Variants in STOX2 observed in about 807,000 individuals in gnomAD.
STOX2 encodes storkhead-box protein 2.
Under a neutral mutation model 60.9 loss-of-function variants are expected in STOX2, and 28 were observed. The ratio of observed to expected loss-of-function variants is 0.46; its 90% CI spans 0.34 to 0.63. The LOEUF (loss-of-function observed/expected upper bound fraction) is 0.63, where lower values mean the gene tolerates loss of function less well. Ranked by LOEUF, STOX2 falls within the 30% of genes least tolerant of loss-of-function variation. STOX2 has a pLI of 0.01. For missense variants in STOX2, 1,024 were observed against 1,187.7 expected, an observed-to-expected ratio of 0.86 and a Z score of 2.03; for synonymous variants, 472 against 463.9, an observed-to-expected ratio of 1.02 and a Z score of -0.22.
intron 1 of STOX2, among the ~76,000 whole-genome samples, chr4:183,829,797 T>G (rs905026698): frequency 6.6e-6 from 1 of 152,178 alleles, no homozygotes; most frequent in Non-Finnish European, 1.5e-5. Context: ...ACTTTATAAT[T>G]AGATTTTCTG....
In STOX2 at chr4:184,001,329, T is replaced by G. The variant is rs549003607; in HGVS notation, c.171T>G (p.Asp57Glu). 11 of 1,613,728 alleles carry G rather than the reference T, an allele frequency of 6.8e-6. No individual in the cohort carries two copies. Among genetic ancestry groups the G allele is most frequent in the Admixed American group, 1.7e-5 (1 of 59,996 alleles). ...QASRGYMTSGDVSPISMSPIS... is the reference protein window; with the variant it reads ...QASRGYMTSGEVSPISMSPIS... ...TTGAAAATTGTCTTTCTGCAGGTGA[T>G]GTATCACCCATCAGTATGTCTCCCA... is the stretch of plus-strand genomic sequence containing the variant. The change falls in exon 2 of 4, where the codon GAT (aspartate) becomes GAG (glutamate). Residue 57 changes from aspartate (D) to glutamate (E), a missense_variant. By Grantham distance (45) the Asp-to-Glu change is conservative. This residue lies in a region of STOX2 where 98 missense variants were observed against 110.2 expected (regional missense o/e 0.89). Coordinates refer to ENST00000308497, the MANE Select transcript of STOX2 (RefSeq NM_020225.3). This position sits in a 1 kb window ranked among gnomAD's most constrained non-coding sequence, Gnocchi z 4.2.
At chr4:183,928,130 CTTT>C (rs564741491) in intron 1 of STOX2, among the ~76,000 whole-genome samples, 1 of 152,136 alleles carries the variant, frequency 6.6e-6, no homozygotes, top group African/African-American at 2.4e-5. Flanking sequence ...TTTGTGGCAG[CTTT>C]TTTTCCCAAC....
chr4:183,950,946 T>A (rs913776671), intron 1 of STOX2, among the ~76,000 whole-genome samples: 1 of 152,084 alleles, frequency 6.6e-6, no homozygotes, highest in Non-Finnish European at 1.5e-5. Flanking sequence ...CCGGGCGCGG[T>A]GGCTCACGCC....
At chr4:183,882,723 G>A (rs143819607) in intron 1 of STOX2, among the ~76,000 whole-genome samples, 25 of 152,318 alleles carry the variant, frequency 1.6e-4, no homozygotes, top group African/African-American at 5.8e-4. Context: ...AGCTGGAAGA[G>A]ACCTTAGAAT....
At chr4:183,867,422 C>T (rs1319661060) in intron 1 of STOX2, among the ~76,000 whole-genome samples, 1 of 152,160 alleles carries the variant, frequency 6.6e-6, no homozygotes, top group Non-Finnish European at 1.5e-5. Context: ...GATCGGGACA[C>T]AGCAGATACG....
intron 1 of STOX2, among the ~76,000 whole-genome samples, chr4:183,799,733 AT>A (rs564510935): frequency 6.6e-6 from 1 of 151,766 alleles, no homozygotes; most frequent in Non-Finnish European, 1.5e-5. Context: ...ATGCTCATGT[AT>A]TTTTTTTATT....
chr4:183,973,866 T>C (rs1732324053), intron 1 of STOX2, among the ~76,000 whole-genome samples: 1 of 152,148 alleles, frequency 6.6e-6, no homozygotes, highest in Non-Finnish European at 1.5e-5. Context: ...TGGTGGCGCA[T>C]GCCTGTAGTC....
chr4:183,852,272 A>G (rs62652543), intron 1 of STOX2, among the ~76,000 whole-genome samples: 5,423 of 23,310 alleles, frequency 0.23, no homozygotes, highest in Admixed American at 0.28. Context: ...AAAGGATGAG[A>G]GAAACGATGA....
chr4:183,804,054 G>A (rs1455334971), intron 1 of STOX2, among the ~76,000 whole-genome samples: 2 of 152,278 alleles, frequency 1.3e-5, no homozygotes, highest in African/African-American at 4.8e-5. Flanking sequence ...AATAGAGAGC[G>A]CTGGGGAGAA....
chr4:184,017,137 CCGT>C lies in STOX2; in HGVS notation c.2639_2641del (p.Arg880del), dbSNP rs1484544218. On this transcript the variant is annotated inframe_deletion, in exon 4 of 4. Coordinates refer to ENST00000308497, the MANE Select transcript of STOX2 (RefSeq NM_020225.3). ...ACACATCAAGCATTGTTGAAAGTAA[CCGT>C]CGTCAGAACCCCGCTTTGAGCCCGG... The C allele has an allele frequency of 2.5e-6, 4 of 1,613,728 alleles. No individual in the cohort carries two copies. In the East Asian group the frequency reaches 8.9e-5, roughly 36 times the overall value.
At position 184,020,471 on chromosome 4, in the gene STOX2, T is replaced by A. The variant is rs1257569585; in HGVS notation, c.*3187T>A. ...TCTTTTGGAAATCTGATTTGAAGTC[T>A]AAGTTTTCAGTAACAGAAGACACAC... On this transcript the variant is annotated 3_prime_UTR_variant, in exon 4 of 4. Coordinates refer to ENST00000308497, the MANE Select transcript of STOX2 (RefSeq NM_020225.3). The A allele has an allele frequency of 6.6e-6, 1 of 152,068 alleles. No homozygotes were observed. The highest frequency in any genetic ancestry group is 1.5e-5 in the Non-Finnish European group (1 of 68,030). The allele number at this position is 152,068 out of a possible 1,614,324, so 9.4% of individuals were successfully genotyped here.
At chr4:183,972,800 G>A (rs1743782360) in intron 1 of STOX2, among the ~76,000 whole-genome samples, 1 of 152,174 alleles carries the variant, frequency 6.6e-6, no homozygotes, top group Admixed American at 6.5e-5. Context: ...GAAAGAACAA[G>A]TAACAGTTGC....
At chr4:183,845,809 T>A (rs905195255) in intron 1 of STOX2, among the ~76,000 whole-genome samples, 2 of 152,246 alleles carry the variant, frequency 1.3e-5, no homozygotes, top group Non-Finnish European at 2.9e-5. Context: ...TATGTGGTTA[T>A]GTTTTAAATC....
chr4:183,990,117 T>C (rs935924005), intron 1 of STOX2, among the ~76,000 whole-genome samples: 3 of 152,166 alleles, frequency 2.0e-5, no homozygotes, highest in Non-Finnish European at 4.4e-5. Flanking sequence ...CAGAGCAACG[T>C]TGAGGATGCT....
At position 183,836,808 on chromosome 4, in the gene STOX2, A is replaced by G. The variant is rs1282820914; in HGVS notation, c.364+38753A>G. Among the ~76,000 whole-genome samples, 5 of 152,346 alleles carry G rather than the reference A, an allele frequency of 3.3e-5. No homozygotes were observed. Among genetic ancestry groups the G allele is most frequent in the Admixed American group, 6.5e-5 (1 of 15,308 alleles). ...TCCTAGTTGGCTCAGTGGAACTACA[A>G]AACTTCACTTAGGGACACTAAGATT... On this transcript the variant is annotated intron_variant, in intron 1 of 2. Transcript: ENST00000513034. This position sits in a 1 kb window ranked among gnomAD's most constrained non-coding sequence, Gnocchi z 4.1.
intron 1 of STOX2, among the ~76,000 whole-genome samples, chr4:183,829,995 G>C (rs933448457): frequency 1.3e-5 from 2 of 152,212 alleles, no homozygotes; most frequent in Non-Finnish European, 2.9e-5. Context: ...TTGCAGGTAT[G>C]AGTGATGGGG....
intron 1 of STOX2, among the ~76,000 whole-genome samples, chr4:183,986,243 A>C (rs1291262043): frequency 6.6e-6 from 1 of 152,258 alleles, no homozygotes; most frequent in Non-Finnish European, 1.5e-5. Flanking sequence ...ATGGCCTATT[A>C]GGTCCTTATA....
At chr4:183,860,737 G>A (rs1740419654) in intron 1 of STOX2, among the ~76,000 whole-genome samples, 1 of 152,168 alleles carries the variant, frequency 6.6e-6, no homozygotes, top group African/African-American at 2.4e-5. Context: ...ATTTGATAAT[G>A]TTTGTGGCTG....
In STOX2 at chr4:184,018,661, T is replaced by C. The variant is rs1219431956; in HGVS notation, c.*1377T>C. On this transcript the variant is annotated 3_prime_UTR_variant, in exon 4 of 4. Coordinates refer to ENST00000308497, the MANE Select transcript of STOX2 (RefSeq NM_020225.3). ...TTAATTAGACCAACTTATTTCCAAATGGTTTGTTAACATTTTGCTTTGGTT... is the reference window on the plus strand; with the variant it reads ...TTAATTAGACCAACTTATTTCCAAACGGTTTGTTAACATTTTGCTTTGGTT... 6.6e-6 allele frequency: 1 copy of C among 152,224 alleles called. No individual in the cohort carries two copies. Among genetic ancestry groups the C allele is most frequent in the Admixed American group, 6.5e-5 (1 of 15,288 alleles). The allele number at this position is 152,224 out of a possible 1,614,324, so 9.4% of individuals were successfully genotyped here.
Sources: allele counts gnomAD v4.1 joint callset (sites outside exome capture counted in the v4.1 genomes callset), GRCh38; gene constraint gnomAD v4.1.1; regional missense constraint gnomAD v4.1.1; non-coding constraint Gnocchi (gnomAD v3.1); transcripts MANE v1.5; gene names NCBI Gene and HGNC (gene_info 2026-07-23, HGNC 2026-07-21).